Variants in IPO11 observed in about 807,000 individuals in gnomAD.
IPO11 encodes the protein importin-11.
A neutral mutation model predicts 143.2 loss-of-function variants in IPO11; 66 were observed. That is an observed-to-expected ratio of 0.46 (90% CI 0.38 to 0.57). IPO11 has a LOEUF of 0.57. IPO11 is among the 20% of genes least tolerant of loss of function. The pLI is 0.00. For synonymous variants in IPO11, 385 were observed against 377.8 expected, an observed-to-expected ratio of 1.02 and a Z score of -0.22; for missense variants, 1,026 against 1,141.0, an observed-to-expected ratio of 0.90 and a Z score of 1.45.
At chr5:62,481,270 G>T (rs1340429694) in intron 9 of IPO11, among the ~76,000 whole-genome samples, 1 of 152,012 alleles carries the variant, frequency 6.6e-6, no homozygotes, top group Non-Finnish European at 1.5e-5. Flanking sequence ...TTGCCTGATT[G>T]CCCTGGCCGG....
At chr5:62,440,349 CTTTT>C (rs747340732) in intron 2 of IPO11, among the ~76,000 whole-genome samples, 2 of 132,140 alleles carry the variant, frequency 1.5e-5, no homozygotes. Flanking sequence ...TGTACGTCCC[CTTTT>C]TTTTTTTTTT....
intron 9 of IPO11, among the ~76,000 whole-genome samples, chr5:62,481,831 T>G (rs956543053): frequency 6.6e-6 from 1 of 152,232 alleles, no homozygotes; most frequent in African/African-American, 2.4e-5. Context: ...ATTCCCTCTT[T>G]TTCTATTGAT....
Position 62,584,324 on chromosome 5 carries a change from C to T in IPO11, c.2583-7253C>T, listed in dbSNP as rs562542581. 7.9e-5 allele frequency among the ~76,000 whole-genome samples: 12 copies of T among 152,040 alleles called. No homozygotes were observed. The South Asian group carries it at 2.3e-3, about 29-fold the overall frequency. The stretch of plus-strand genomic sequence containing the variant: ...ATCAGGAGATAGGAGAGGCTGGGCA[C>T]GGTGATTCACACCAGTGATCCCAGC... On this transcript the variant is annotated intron_variant, in intron 27 of 29. Transcript: ENST00000325324.
chr5:62,574,291 CCCT>C (rs1744240862), intron 27 of IPO11, among the ~76,000 whole-genome samples: 1 of 152,108 alleles, frequency 6.6e-6, no homozygotes, highest in Non-Finnish European at 1.5e-5. Flanking sequence ...GCTAATTACT[CCCT>C]CCTCTCTTCT....
At chr5:62,547,926 C>T (rs1561357993) in intron 24 of IPO11, among the ~76,000 whole-genome samples, 1 of 152,020 alleles carries the variant, frequency 6.6e-6, no homozygotes, top group Non-Finnish European at 1.5e-5. Context: ...AAACTGTAGA[C>T]ACCTGTCTTT....
At position 62,470,816 on chromosome 5, in the gene IPO11, C is replaced by CTTTTTTTTTTTTT. The variant is rs70981015; in HGVS notation, c.708+525_708+537dup. ...TTCATTGTCTGTAGATAGCCATCTT[C>CTTTTTTTTTTTTT]TTTTTTTTTTTTTTTTTTTTTTTTT... On this transcript the variant is annotated intron_variant, in intron 7 of 29. Transcript: ENST00000325324. 3.0e-3 allele frequency among the ~76,000 whole-genome samples: 187 copies of CTTTTTTTTTTTTT among 62,558 alleles called. 22 individuals carry two copies. Among genetic ancestry groups the CTTTTTTTTTTTTT allele is most frequent in the East Asian group, 4.2e-3 (6 of 1,418 alleles). The allele number at this position is 62,558 out of a possible 152,430, so 41.0% of individuals were successfully genotyped here. A position where few individuals can be genotyped will look rare whatever the true frequency, so the allele number is the denominator to read the frequency against.
rs116205902 is a variant in IPO11, at chr5:62,525,585, T to C, written c.1897-557T>C. ...GTTTTTCAAGAACAGAGTCTTGCCATGTTGCCCAGGCTGGTCACCAACTCC... is the reference window on the plus strand; with the variant it reads ...GTTTTTCAAGAACAGAGTCTTGCCACGTTGCCCAGGCTGGTCACCAACTCC... On this transcript the variant is annotated intron_variant, in intron 20 of 29. Coordinates refer to ENST00000325324, the MANE Select transcript of IPO11 (RefSeq NM_016338.5). Among the ~76,000 whole-genome samples, 1,233 of 152,342 alleles carry C rather than the reference T, an allele frequency of 8.1e-3. 13 individuals are homozygous for C. The highest frequency in any genetic ancestry group is 0.025 in the African/African-American group (1,045 of 41,592).
chr5:62,414,590 C>A (rs1469598885), intron 1 of IPO11, among the ~76,000 whole-genome samples: 1 of 152,126 alleles, frequency 6.6e-6, no homozygotes, highest in Non-Finnish European at 1.5e-5. Flanking sequence ...CAGATAAGTC[C>A]ACAGTTATAA....
At chr5:62,586,283 C>G (rs1744768712) in intron 27 of IPO11, among the ~76,000 whole-genome samples, 1 of 151,930 alleles carries the variant, frequency 6.6e-6, no homozygotes, top group South Asian at 2.1e-4. Context: ...TTCTTTTATT[C>G]ATGATACAAT....
chr5:62,483,431 A>G (rs1221535887), intron 10 of IPO11, 138 bp downstream of exon 10: 1 of 601,856 alleles, frequency 1.7e-6, no homozygotes, highest in Non-Finnish European at 2.8e-6. Context: ...AGATATAAGG[A>G]TTATAGGCTT....
At chr5:62,497,650 G>A (rs563956300) in intron 16 of IPO11, among the ~76,000 whole-genome samples, 32 of 152,136 alleles carry the variant, frequency 2.1e-4, no homozygotes, top group African/African-American at 6.7e-4. Flanking sequence ...TTGATTTTTT[G>A]TATAGACGAG....
intron 1 of IPO11, among the ~76,000 whole-genome samples, chr5:62,431,816 CTA>C (rs1440092982): frequency 2.6e-5 from 4 of 152,032 alleles, no homozygotes; most frequent in African/African-American, 9.7e-5. Flanking sequence ...TGGTGCCCGC[CTA>C]TAATCCCAGC....
intron 24 of IPO11, among the ~76,000 whole-genome samples, chr5:62,545,962 G>A (rs1743159684): frequency 6.6e-6 from 1 of 152,206 alleles, no homozygotes; most frequent in African/African-American, 2.4e-5. Flanking sequence ...GTGCTGGAGA[G>A]GATGTGGAGA....
chr5:62,572,528 T>G (rs1314013563), intron 27 of IPO11, among the ~76,000 whole-genome samples: 4 of 148,908 alleles, frequency 2.7e-5, no homozygotes, highest in Admixed American at 6.9e-5. Flanking sequence ...AATCATTGTG[T>G]ATATGTATAT....
intron 5 of IPO11, among the ~76,000 whole-genome samples, chr5:62,465,966 C>T (rs1745561097): frequency 1.3e-5 from 2 of 152,152 alleles, no homozygotes; most frequent in African/African-American, 2.4e-5. Context: ...CCATATAGCT[C>T]AGTAGTTTTA....
intron 2 of IPO11, among the ~76,000 whole-genome samples, chr5:62,440,977 T>TA (rs1358127817): frequency 6.6e-6 from 1 of 151,892 alleles, no homozygotes; most frequent in Non-Finnish European, 1.5e-5. Flanking sequence ...AAAAAAAACT[T>TA]ACAAATGTTT....
intron 5 of IPO11, among the ~76,000 whole-genome samples, chr5:62,454,047 A>G (rs1745034560): frequency 6.6e-6 from 1 of 152,204 alleles, no homozygotes; most frequent in Non-Finnish European, 1.5e-5. Flanking sequence ...AGGCAGGAGA[A>G]TGACGTGAAC....
rs896100325 is a variant in IPO11, at chr5:62,519,370, A to T, written c.1896+3869A>T. Among the ~76,000 whole-genome samples, 10 of 152,274 alleles carry T rather than the reference A, an allele frequency of 6.6e-5. No individual in the cohort carries two copies. The East Asian group carries it at 1.9e-3, about 29-fold the overall frequency. On this transcript the variant is annotated intron_variant, in intron 20 of 29. Coordinates refer to ENST00000325324, the MANE Select transcript of IPO11 (RefSeq NM_016338.5). ...CATTTCCTTTTTGGTGGAAGAATCC[A>T]CTGTCAACTCTTACAGCCATATCAT...
At chr5:62,546,886 A>T (rs1743217847) in intron 24 of IPO11, among the ~76,000 whole-genome samples, 1 of 152,140 alleles carries the variant, frequency 6.6e-6, no homozygotes, top group African/African-American at 2.4e-5. Flanking sequence ...GGAAGAATAA[A>T]CCAGGTAATT....
Sources: gnomAD v4.1 joint callset for allele counts (sites outside exome capture counted in the v4.1 genomes callset) on GRCh38, gnomAD v4.1.1 for gene constraint, MANE v1.5 for transcripts, NCBI Gene and HGNC (gene_info 2026-07-23, HGNC 2026-07-21) for gene names.